Variants in HOPX observed in about 807,000 individuals in gnomAD.
The protein encoded by HOPX is HOP homeobox.
Under a neutral mutation model 11.8 loss-of-function variants are expected in HOPX, and 5 were observed. The observed-to-expected ratio is 0.43, with a 90% CI of 0.22 to 0.89. HOPX has a LOEUF of 0.89. Ranked by LOEUF, HOPX falls within the 40% of genes least tolerant of loss-of-function variation. The probability of loss-of-function intolerance (pLI) is 0.28; values close to 1 mark genes in which losing one functional copy is unlikely to be tolerated. For missense variants in HOPX, 119 were observed against 120.0 expected (o/e 0.99, Z 0.04); for synonymous variants, 49 against 49.7 (o/e 0.99, Z 0.06).
At chr4:56,658,503 C>G (rs1191662049) in intron 1 of HOPX, among the ~76,000 whole-genome samples, 1 of 152,166 alleles carries the variant, frequency 6.6e-6, no homozygotes, top group Non-Finnish European at 1.5e-5. Context: ...TTTCTAGAAA[C>G]GAAGGTGGAA....
intron 3 of HOPX, among the ~76,000 whole-genome samples, chr4:56,655,511 A>G (rs1294443702): frequency 6.6e-6 from 1 of 152,244 alleles, no homozygotes; most frequent in Admixed American, 6.5e-5. Context: ...AGACAGGGAC[A>G]GGCGAGAGAC....
intron 2 of HOPX, among the ~76,000 whole-genome samples, chr4:56,657,101 G>C (rs1434153678): frequency 6.6e-6 from 1 of 152,150 alleles, no homozygotes; most frequent in African/African-American, 2.4e-5. Context: ...TTCCTGCTGG[G>C]TTCTCTCCAT....
At chr4:56,660,766 A>G (rs554804421) in intron 1 of HOPX, among the ~76,000 whole-genome samples, 22 of 152,306 alleles carry the variant, frequency 1.4e-4, no homozygotes, top group African/African-American at 4.3e-4. Flanking sequence ...GATATATGTA[A>G]TGTACATGCA....
intron 1 of HOPX, among the ~76,000 whole-genome samples, chr4:56,673,908 T>C (rs1056717097): frequency 6.6e-6 from 1 of 151,646 alleles, no homozygotes; most frequent in African/African-American, 2.4e-5. Context: ...TTTCACCATG[T>C]TGGCCAGGCT....
intron 1 of HOPX, among the ~76,000 whole-genome samples, chr4:56,666,459 C>G (rs539120255): frequency 2.6e-5 from 4 of 152,250 alleles, no homozygotes; most frequent in Admixed American, 2.6e-4. Context: ...TTATGAAAAG[C>G]CATTGGAGGA....
intron 1 of HOPX, among the ~76,000 whole-genome samples, chr4:56,673,325 A>G (rs186602782): frequency 1.3e-5 from 2 of 152,292 alleles, no homozygotes; most frequent in Non-Finnish European, 2.9e-5. Flanking sequence ...AATGAGATAT[A>G]AAACCTAAGA....
At chr4:56,666,449 T>C (rs1436191652) in intron 1 of HOPX, among the ~76,000 whole-genome samples, 2 of 152,184 alleles carry the variant, frequency 1.3e-5, no homozygotes, top group Non-Finnish European at 2.9e-5. Flanking sequence ...CAGGAAGATA[T>C]TATGAAAAGC....
rs903840355 is a variant in HOPX, at chr4:56,666,508, A to G, written c.-83-8609T>C. On this transcript the variant is annotated intron_variant, in intron 1 of 3. Transcript: ENST00000420433. The stretch of plus-strand genomic sequence containing the variant: ...AATGACTTCCAGCAGTGAATGAATC[A>G]TTAGTCAACCCTGGACATAAAACTC... Among the ~76,000 whole-genome samples the G allele has an allele frequency of 9.2e-5, 14 of 152,334 alleles. 1 individual carries two copies. Among genetic ancestry groups the G allele is most frequent in the Admixed American group, 7.8e-4 (12 of 15,306 alleles).
chr4:56,650,151 A>G (rs557014152), intron 3 of HOPX: 1 of 155,654 alleles, frequency 6.4e-6, no homozygotes, highest in East Asian at 1.9e-4. Context: ...CTAATTGGCT[A>G]TGAGAACTTG....
At chr4:56,679,811 C>T (rs1346002176) in intron 1 of HOPX, 1 of 152,210 alleles carries the variant, frequency 6.6e-6, no homozygotes, top group Non-Finnish European at 1.5e-5. Flanking sequence ...TTTGCATTTT[C>T]TATCATTTTA....
chr4:56,660,803 A>G (rs1022688428), intron 1 of HOPX, among the ~76,000 whole-genome samples: 4 of 152,212 alleles, frequency 2.6e-5, no homozygotes, highest in African/African-American at 9.6e-5. Flanking sequence ...TTAAATAAAC[A>G]CTGGTGAACC....
rs1300355920 is a variant in HOPX at position 56,648,722 on chromosome 4, A to G, written c.274T>C (p.Ter92GlnextTer6). 1 of 1,600,742 alleles carries G rather than the reference A, an allele frequency of 6.2e-7. No homozygotes were observed. The highest frequency in any genetic ancestry group is 8.6e-7 in the Non-Finnish European group (1 of 1,169,110). ...LPSECRSVTD[*>Q] is the part of the protein sequence containing the mutation. ...AGCTGTCAATGCCTGCCATCTCCTT[A>G]GTCTGTGACGGATCTGCACTCTGAG... Residue 92 changes from the stop codon to glutamine, a stop_lost, in exon 4 of 4, where the codon TAA becomes CAA. Coordinates refer to ENST00000420433, the MANE Select transcript of HOPX (RefSeq NM_032495.6).
chr4:56,669,050 C>T (rs1411558881), intron 1 of HOPX, among the ~76,000 whole-genome samples: 1 of 152,182 alleles, frequency 6.6e-6, no homozygotes, highest in East Asian at 1.9e-4. Context: ...AAGTGTTATA[C>T]TTATTTCTTA....
chr4:56,655,760 A>G lies in HOPX; in HGVS notation c.198+97T>C, dbSNP rs1282735901. The G allele has an allele frequency of 3.9e-5, 54 of 1,378,336 alleles. 2 individuals are homozygous for G. In the South Asian group the frequency reaches 4.8e-4, roughly 12 times the overall value. 85.4% of individuals were successfully genotyped at this position (1,378,336 alleles called of 1,614,324 possible). ...AGCGATGGGAGATCATGGGGAGGGCAGCCCGGCGGGAGGCGCGGACGAACA... is the reference window on the plus strand; with the variant it reads ...AGCGATGGGAGATCATGGGGAGGGCGGCCCGGCGGGAGGCGCGGACGAACA... On this transcript the variant is annotated intron_variant, in intron 3 of 3. Coordinates refer to ENST00000420433, the MANE Select transcript of HOPX (RefSeq NM_032495.6).
chr4:56,664,586 C>A (rs1190972553), intron 1 of HOPX: 2 of 150,792 alleles, frequency 1.3e-5, no homozygotes, highest in Non-Finnish European at 2.9e-5. Context: ...GAAATTAGAC[C>A]CCTTAAAAAA....
chr4:56,651,141 A>G (rs1011200847), intron 3 of HOPX: 7 of 213,398 alleles, frequency 3.3e-5, no homozygotes, highest in Non-Finnish European at 6.6e-5. Context: ...GTCTCATTTA[A>G]AAGAGCCACC....
chr4:56,648,683 C>G lies in HOPX; in HGVS notation c.*37G>C. 1 of 1,457,976 alleles carries G rather than the reference C, an allele frequency of 6.9e-7. No homozygotes were observed. The highest frequency in any genetic ancestry group is 9.5e-7 in the Non-Finnish European group (1 of 1,047,558). 90.3% of individuals were successfully genotyped at this position (1,457,976 alleles called of 1,614,324 possible). ...AAGCGGAGGAGAGAAACAGAGATGGCCTTCATGGAGTGAAGCTGTCAATGC... is the reference window on the plus strand; with the variant it reads ...AAGCGGAGGAGAGAAACAGAGATGGGCTTCATGGAGTGAAGCTGTCAATGC... On this transcript the variant is annotated 3_prime_UTR_variant, in exon 4 of 4. Coordinates refer to ENST00000420433, the MANE Select transcript of HOPX (RefSeq NM_032495.6).
chr4:56,657,540 C>T (rs1041275146), intron 2 of HOPX, among the ~76,000 whole-genome samples: 9 of 152,148 alleles, frequency 5.9e-5, no homozygotes, highest in Admixed American at 1.3e-4. Flanking sequence ...TCAGGCACAA[C>T]GGGAAGTCAT....
intron 1 of HOPX, among the ~76,000 whole-genome samples, chr4:56,678,549 G>A (rs1167627629): frequency 6.7e-6 from 1 of 148,210 alleles, no homozygotes; most frequent in Non-Finnish European, 1.5e-5. Context: ...AGATTCAAGC[G>A]ATTTTCCTGC....
Sources: gnomAD v4.1 joint callset for allele counts (sites outside exome capture counted in the v4.1 genomes callset) on GRCh38, gnomAD v4.1.1 for gene constraint, MANE v1.5 for transcripts, NCBI Gene and HGNC (gene_info 2026-07-23, HGNC 2026-07-21) for gene names.